CCDC66: variants seen among roughly 807,000 people sequenced by gnomAD.
The protein encoded by CCDC66 is coiled-coil domain containing 66, also known as coiled-coil domain-containing protein 66.
Under a neutral mutation model 128.3 loss-of-function variants are expected in CCDC66, and 133 were observed. The observed-to-expected ratio is 1.04, with a 90% CI of 0.90 to 1.20. The LOEUF is 1.20. Among genes scored for constraint, CCDC66 ranks in the 50% most tolerant of loss-of-function variants. CCDC66 has a pLI of 0.00. For synonymous variants in CCDC66, 387 were observed against 357.0 expected, an observed-to-expected ratio of 1.08 and a Z score of -0.95; for missense variants, 1,126 against 1,075.5, an observed-to-expected ratio of 1.05 and a Z score of -0.66.
chr3:56,584,828 G>T (rs373773081), intron 7 of CCDC66, among the ~76,000 whole-genome samples: 1 of 151,896 alleles, frequency 6.6e-6, no homozygotes, highest in African/African-American at 2.4e-5. Flanking sequence ...ACGAGACTCC[G>T]TCTGCAATCC....
chr3:56,572,110 G>T (rs189862026), intron 7 of CCDC66, among the ~76,000 whole-genome samples: 3 of 152,128 alleles, frequency 2.0e-5, no homozygotes, highest in Non-Finnish European at 4.4e-5. Context: ...TCGTTATGTC[G>T]TTAGGTGAAT....
At chr3:56,584,150 C>T (rs1311069804) in intron 7 of CCDC66, among the ~76,000 whole-genome samples, 2 of 142,428 alleles carry the variant, frequency 1.4e-5, no homozygotes, top group South Asian at 2.2e-4. Context: ...GCTGGCCGGG[C>T]GGGGGCGGCC....
chr3:56,587,190 A>C (rs560586575), intron 7 of CCDC66, among the ~76,000 whole-genome samples: 1 of 152,086 alleles, frequency 6.6e-6, no homozygotes, highest in South Asian at 2.1e-4. Context: ...ACCCCAAAGA[A>C]TCTATAGATG....
At chr3:56,613,249 G>A (rs548522410) in intron 10 of CCDC66, among the ~76,000 whole-genome samples, 2 of 152,294 alleles carry the variant, frequency 1.3e-5, no homozygotes, top group Admixed American at 6.5e-5. Flanking sequence ...CAAGAGTCAA[G>A]GGGCTGTTTG....
At chr3:56,582,791 T>C (rs929877344) in intron 7 of CCDC66, among the ~76,000 whole-genome samples, 1 of 150,332 alleles carries the variant, frequency 6.7e-6, no homozygotes, top group African/African-American at 2.4e-5. Flanking sequence ...GATAGTCATA[T>C]ATGCATAATC....
intron 10 of CCDC66, among the ~76,000 whole-genome samples, chr3:56,602,605 C>G (rs1178152237): frequency 6.6e-6 from 1 of 151,944 alleles, no homozygotes; most frequent in Non-Finnish European, 1.5e-5. Flanking sequence ...CCGTCTGGTC[C>G]TGGACTTCTT....
At chr3:56,602,704 G>A (rs1559729960) in intron 10 of CCDC66, among the ~76,000 whole-genome samples, 1 of 151,832 alleles carries the variant, frequency 6.6e-6, no homozygotes, top group East Asian at 1.9e-4. Flanking sequence ...TTTAGACTTG[G>A]GAGGGTGTAT....
At chr3:56,600,893 G>A (rs1296228285) in intron 10 of CCDC66, among the ~76,000 whole-genome samples, 1 of 151,928 alleles carries the variant, frequency 6.6e-6, no homozygotes, top group Non-Finnish European at 1.5e-5. Context: ...TTGTCAGATG[G>A]GTAGATTGCA....
At position 56,619,790 on chromosome 3, in the gene CCDC66, ACG is replaced by A; in HGVS notation, c.2650_2651del (p.Arg884ThrfsTer4). ...YQNSQDCGQK[R>X]QLFDSDCVRD... ...ATCTGGCTTTAGACTGTGGCCAAAA[ACG>A]ACAGCTATTTGATTCTGACTGTGTC... On this transcript the variant is annotated frameshift_variant, in exon 17 of 18. Coordinates refer to ENST00000394672, the MANE Select transcript of CCDC66 (RefSeq NM_001141947.3). LOFTEE classifies it high-confidence loss of function. 6.2e-7 allele frequency: 1 copy of A among 1,613,926 alleles called. No homozygotes were observed. Among genetic ancestry groups the A allele is most frequent in the African/African-American group, 1.3e-5 (1 of 75,022 alleles).
chr3:56,597,727 A>G (rs2072269879), intron 10 of CCDC66, among the ~76,000 whole-genome samples: 1 of 143,446 alleles, frequency 7.0e-6, no homozygotes, highest in Admixed American at 7.1e-5. Context: ...ACTTTACTGA[A>G]TTTATTGATC....
intron 12 of CCDC66, 76 bp from the exon 13 acceptor site, chr3:56,615,846 T>A: frequency 8.0e-7 from 1 of 1,252,094 alleles, no homozygotes. Context: ...AAAATTATTG[T>A]ATTTAGTTGC....
At chr3:56,607,994 T>C (rs1160503710) in intron 10 of CCDC66, among the ~76,000 whole-genome samples, 1 of 152,202 alleles carries the variant, frequency 6.6e-6, no homozygotes, top group African/African-American at 2.4e-5. Context: ...CACTTGATCA[T>C]GGTGGATTAT....
intron 3 of CCDC66, 124 bp downstream of exon 3, chr3:56,559,718 GTTA>G (rs1345504729): frequency 1.3e-5 from 9 of 679,778 alleles, no homozygotes; most frequent in Non-Finnish European, 2.1e-5. Flanking sequence ...ATAGTGAGGA[GTTA>G]TTATTTTCTT....
intron 12 of CCDC66, 139 bp from the exon 13 acceptor site, chr3:56,615,783 G>T (rs1187418426): frequency 1.1e-5 from 6 of 568,210 alleles, no homozygotes; most frequent in Non-Finnish European, 1.7e-5. Flanking sequence ...TGATAGGAAT[G>T]TGGGTACTTT....
chr3:56,603,679 A>C lies in CCDC66; in HGVS notation c.1404+9651A>C, dbSNP rs147335049. Among the ~76,000 whole-genome samples the C allele has an allele frequency of 4.6e-5, 7 of 151,828 alleles. No individual in the cohort carries two copies. In the East Asian group the frequency reaches 1.2e-3, roughly 25 times the overall value. ...TGTTTTTATATCTAGTTTTTTTTGCATTTGCTGAGGAGTGTTTTACTTCCA... is the reference window on the plus strand; with the variant it reads ...TGTTTTTATATCTAGTTTTTTTTGCCTTTGCTGAGGAGTGTTTTACTTCCA... On this transcript the variant is annotated intron_variant, in intron 10 of 17. Coordinates refer to ENST00000394672, the MANE Select transcript of CCDC66 (RefSeq NM_001141947.3).
chr3:56,604,721 C>T (rs1000778155), intron 10 of CCDC66, among the ~76,000 whole-genome samples: 8 of 151,862 alleles, frequency 5.3e-5, no homozygotes, highest in African/African-American at 1.7e-4. Flanking sequence ...ACATTTTTTC[C>T]TCCATTTCAG....
intron 7 of CCDC66, among the ~76,000 whole-genome samples, chr3:56,586,755 A>G (rs1174004108): frequency 6.6e-6 from 1 of 151,736 alleles, no homozygotes; most frequent in Non-Finnish European, 1.5e-5. Flanking sequence ...ATACATTATT[A>G]AAAATTATGG....
chr3:56,591,079 A>G (rs898342881), intron 7 of CCDC66, among the ~76,000 whole-genome samples: 1 of 152,186 alleles, frequency 6.6e-6, no homozygotes, highest in African/African-American at 2.4e-5. Flanking sequence ...TCATTCTTCT[A>G]ACTGAATGCA....
chr3:56,619,242 C>G (rs1377473778), intron 15 of CCDC66, 29 bp from the exon 16 acceptor site: 1 of 1,492,818 alleles, frequency 6.7e-7, no homozygotes, highest in East Asian at 2.4e-5. Context: ...TCTAAATACA[C>G]AATTTTTTAC....
Sources: gnomAD v4.1 joint callset for allele counts (sites outside exome capture counted in the v4.1 genomes callset) on GRCh38, gnomAD v4.1.1 for gene constraint, MANE v1.5 for transcripts, NCBI Gene and HGNC (gene_info 2026-07-23, HGNC 2026-07-21) for gene names.